CRIM1: variants seen among roughly 807,000 people sequenced by gnomAD.
The protein encoded by CRIM1 is cysteine rich transmembrane BMP regulator 1, also known as cysteine-rich motor neuron 1 protein.
Under a neutral mutation model 116.4 loss-of-function variants are expected in CRIM1, and 32 were observed. The ratio of observed to expected loss-of-function variants is 0.27; its 90% confidence interval spans 0.21 to 0.37. The LOEUF (loss-of-function observed/expected upper bound fraction) is 0.37, where lower values mean the gene tolerates loss of function less well. CRIM1 is among the 10% of genes least tolerant of loss of function. CRIM1 has a pLI of 1.00. For missense variants in CRIM1, 1,331 were observed against 1,354.8 expected (o/e 0.98, Z 0.28); for synonymous variants, 590 against 509.2 (o/e 1.16, Z -2.13).
At chr2:36,360,637 TG>T (rs1014484110) in intron 1 of CRIM1, among the ~76,000 whole-genome samples, 13 of 152,108 alleles carry the variant, frequency 8.5e-5, no homozygotes, top group African/African-American at 3.1e-4. Context: ...AGACAGTCAG[TG>T]AAGATGATGG....
intron 14 of CRIM1, among the ~76,000 whole-genome samples, chr2:36,540,157 C>T (rs1231848205): frequency 6.6e-6 from 1 of 152,092 alleles, no homozygotes; most frequent in Non-Finnish European, 1.5e-5. Context: ...GTAAACTGCT[C>T]AATCAAGCGC....
intron 1 of CRIM1, among the ~76,000 whole-genome samples, chr2:36,384,039 A>T (rs979978259): frequency 3.9e-5 from 6 of 152,244 alleles, no homozygotes; most frequent in Non-Finnish European, 7.3e-5. Context: ...ACAGCATACA[A>T]GAGGAGAGAA....
intron 13 of CRIM1, among the ~76,000 whole-genome samples, chr2:36,535,111 AGGAGGGAGGGAG>A (rs141920970): frequency 8.3e-5 from 9 of 108,612 alleles, no homozygotes; most frequent in African/African-American, 2.6e-4. Context: ...GAGAGAGGGA[AGGAGGGAGGGAG>A]GGAGGGAGGG....
chr2:36,531,935 C>G, intron 13 of CRIM1: 1 of 471,026 alleles, frequency 2.1e-6, no homozygotes, highest in South Asian at 1.5e-5. Context: ...GAAGGACCAG[C>G]TGCATCCAGC....
intron 2 of CRIM1, among the ~76,000 whole-genome samples, chr2:36,440,902 T>A (rs956773975): frequency 6.6e-6 from 1 of 152,238 alleles, no homozygotes; most frequent in Non-Finnish European, 1.5e-5. Flanking sequence ...CTCTTTTGAA[T>A]TCAAAGATCT....
intron 7 of CRIM1, among the ~76,000 whole-genome samples, chr2:36,483,646 C>A (rs1014208530): frequency 5.9e-5 from 9 of 152,074 alleles, no homozygotes; most frequent in African/African-American, 2.2e-4. Context: ...GCTCCATCCC[C>A]CTGTAAAGAA....
intron 7 of CRIM1, among the ~76,000 whole-genome samples, chr2:36,494,627 CAGGT>C (rs1430618142): frequency 2.6e-5 from 4 of 152,094 alleles, no homozygotes. Flanking sequence ...AAGAAAACAA[CAGGT>C]AGAGGAGAGG....
chr2:36,425,944 T>G (rs915088415), intron 2 of CRIM1, among the ~76,000 whole-genome samples: 8 of 152,242 alleles, frequency 5.3e-5, no homozygotes, highest in Non-Finnish European at 1.0e-4. Flanking sequence ...GAAGCCCCTG[T>G]GCAGGGGAAA....
chr2:36,388,111 T>G (rs1671307674), intron 1 of CRIM1, among the ~76,000 whole-genome samples: 1 of 152,200 alleles, frequency 6.6e-6, no homozygotes, highest in Admixed American at 6.5e-5. Context: ...TTAAAAAATC[T>G]TTTTATTATA....
At chr2:36,438,353 TTTC>T (rs1294031390) in intron 2 of CRIM1, among the ~76,000 whole-genome samples, 1 of 152,180 alleles carries the variant, frequency 6.6e-6, no homozygotes, top group African/African-American at 2.4e-5. Flanking sequence ...TCACAAAGCT[TTTC>T]TTAATTATAA....
At chr2:36,421,996 A>G (rs1280434023) in intron 2 of CRIM1, among the ~76,000 whole-genome samples, 1 of 152,028 alleles carries the variant, frequency 6.6e-6, no homozygotes, top group East Asian at 1.9e-4. Flanking sequence ...TATTTTTGCT[A>G]AAACATAAGC....
intron 7 of CRIM1, among the ~76,000 whole-genome samples, chr2:36,486,120 G>C (rs2125059859): frequency 6.6e-6 from 1 of 152,158 alleles, no homozygotes; most frequent in South Asian, 2.1e-4. Context: ...CTAGAATATA[G>C]GTAAAGTAAA....
chr2:36,467,406 A>G (rs1678131863), intron 5 of CRIM1, among the ~76,000 whole-genome samples: 1 of 152,226 alleles, frequency 6.6e-6, no homozygotes, highest in African/African-American at 2.4e-5. Context: ...ATATTGATAG[A>G]TGAATGTGTC....
chr2:36,386,537 G>T (rs1461267951), intron 1 of CRIM1, among the ~76,000 whole-genome samples: 2 of 152,186 alleles, frequency 1.3e-5, no homozygotes, highest in Non-Finnish European at 2.9e-5. Flanking sequence ...GAAAAAGTTT[G>T]CTGCTCAAAG....
intron 13 of CRIM1, among the ~76,000 whole-genome samples, chr2:36,528,787 C>T (rs1665924731): frequency 6.6e-6 from 1 of 152,190 alleles, no homozygotes; most frequent in South Asian, 2.1e-4. Flanking sequence ...TGAAAACATT[C>T]TGGTTGTCGT....
intron 12 of CRIM1, among the ~76,000 whole-genome samples, chr2:36,518,791 AC>A (rs1373847288): frequency 6.6e-6 from 1 of 152,242 alleles, no homozygotes; most frequent in African/African-American, 2.4e-5. Flanking sequence ...TATAGCAGTG[AC>A]TTTACTTACA....
chr2:36,457,358 A>AAG (rs1285736773), intron 4 of CRIM1, among the ~76,000 whole-genome samples: 2 of 139,294 alleles, frequency 1.4e-5, no homozygotes, highest in African/African-American at 5.8e-5. Context: ...GCGTAAAACA[A>AAG]CAACAACGAA....
At position 36,448,398 on chromosome 2, in the gene CRIM1, A is replaced by C. The variant is rs569058739; in HGVS notation, c.869+5663A>C. Among the ~76,000 whole-genome samples the C allele has an allele frequency of 1.9e-4, 29 of 152,326 alleles. No individual in the cohort carries two copies. In the South Asian group the frequency reaches 6.0e-3, roughly 32 times the overall value. ...TGGGCTATTTCTCAAGAAGATAGAG[A>C]GTTCTAAGACCACAGTGTTTTCTCT... On this transcript the variant is annotated intron_variant, in intron 4 of 16. Coordinates refer to ENST00000280527, the MANE Select transcript of CRIM1 (RefSeq NM_016441.3).
At chr2:36,545,912 T>G (rs1192841065) in intron 15 of CRIM1, among the ~76,000 whole-genome samples, 1 of 152,214 alleles carries the variant, frequency 6.6e-6, no homozygotes, top group Non-Finnish European at 1.5e-5. Context: ...TTCTTGATGC[T>G]GGAAAATATG....
Sources: gnomAD v4.1 joint callset for allele counts (sites outside exome capture counted in the v4.1 genomes callset) on GRCh38, gnomAD v4.1.1 for gene constraint, MANE v1.5 for transcripts, NCBI Gene and HGNC (gene_info 2026-07-23, HGNC 2026-07-21) for gene names.